Variants in CDH19 observed in about 807,000 individuals in gnomAD.
CDH19 encodes the protein cadherin-19.
CDH19 carries 67 observed loss-of-function variants against 64.2 expected under a neutral mutation model. The ratio of observed to expected loss-of-function variants is 1.04; its 90% CI spans 0.86 to 1.28. The LOEUF (loss-of-function observed/expected upper bound fraction) is 1.28, where lower values mean the gene tolerates loss of function less well. Among genes scored for constraint, CDH19 ranks in the 50% most tolerant of loss-of-function variants. CDH19 has a pLI of 0.00. For synonymous variants in CDH19, 346 were observed against 319.3 expected (o/e 1.08, Z -0.89); for missense variants, 1,030 against 929.0 (o/e 1.11, Z -1.41).
intron 9 of CDH19, among the ~76,000 whole-genome samples, chr18:66,521,783 G>C (rs999607846): frequency 2.0e-5 from 3 of 151,826 alleles, no homozygotes; most frequent in African/African-American, 4.8e-5. Flanking sequence ...TCCTGGACTT[G>C]AGTGCTGCTC....
chr18:66,512,404 T>C (rs988666195), intron 9 of CDH19, among the ~76,000 whole-genome samples: 3 of 151,520 alleles, frequency 2.0e-5, no homozygotes, highest in African/African-American at 7.2e-5. Context: ...CATAGTGAGA[T>C]TGTGATTAAT....
intron 5 of CDH19, among the ~76,000 whole-genome samples, chr18:66,546,027 G>T (rs1011405724): frequency 6.6e-6 from 1 of 151,392 alleles, no homozygotes. Context: ...ATTTGCAATT[G>T]CATTTTCATC....
chr18:66,534,269 C>A (rs1568183277), intron 8 of CDH19, among the ~76,000 whole-genome samples: 1 of 151,934 alleles, frequency 6.6e-6, no homozygotes, highest in Non-Finnish European at 1.5e-5. Context: ...ACCTTGAAAA[C>A]CCAGATTCAA....
intron 8 of CDH19, chr18:66,532,345 T>G (rs1986481152): frequency 6.5e-6 from 1 of 153,988 alleles, no homozygotes; most frequent in East Asian, 1.9e-4. Context: ...ATTCTTTAGT[T>G]TGTTTTAGTG....
intron 1 of CDH19, chr18:66,596,073 T>C (rs1988879667): frequency 6.6e-6 from 1 of 152,150 alleles, no homozygotes; most frequent in African/African-American, 2.4e-5. Context: ...CACATGATCA[T>C]GTCCATACAC....
intron 3 of CDH19, among the ~76,000 whole-genome samples, chr18:66,557,159 A>T (rs187678600): frequency 6.6e-6 from 1 of 152,060 alleles, no homozygotes; most frequent in Admixed American, 6.6e-5. Context: ...ACATGGAAAC[A>T]ACTCTCATTT....
intron 9 of CDH19, among the ~76,000 whole-genome samples, chr18:66,529,507 G>T (rs1455918522): frequency 2.0e-5 from 3 of 150,452 alleles, no homozygotes; most frequent in Non-Finnish European, 4.4e-5. Context: ...CTTGAAATTT[G>T]CATGCTTTTA....
chr18:66,589,184 T>C (rs1328720081), intron 1 of CDH19, among the ~76,000 whole-genome samples: 2 of 151,250 alleles, frequency 1.3e-5, no homozygotes, highest in Non-Finnish European at 3.0e-5. Flanking sequence ...ATTATGTTAG[T>C]TAACCATGTT....
At chr18:66,537,914 T>A (rs1324603573) in intron 7 of CDH19, among the ~76,000 whole-genome samples, 2 of 152,114 alleles carry the variant, frequency 1.3e-5, no homozygotes, top group Non-Finnish European at 2.9e-5. Context: ...TCTGTCTGTA[T>A]ATATATTAAG....
chr18:66,542,963 C>A (rs761009473), intron 7 of CDH19, among the ~76,000 whole-genome samples: 9 of 152,134 alleles, frequency 5.9e-5, no homozygotes, highest in Non-Finnish European at 1.2e-4. Context: ...GGTTGAGGAC[C>A]ACTGCTATAA....
intron 8 of CDH19, among the ~76,000 whole-genome samples, chr18:66,533,079 C>A (rs567377986): frequency 1.3e-5 from 2 of 151,920 alleles, no homozygotes; most frequent in Non-Finnish European, 2.9e-5. Context: ...TCTCTCTGTT[C>A]TACCTTTGAG....
intron 2 of CDH19, among the ~76,000 whole-genome samples, chr18:66,569,880 A>G (rs1262822021): frequency 6.6e-6 from 1 of 151,666 alleles, no homozygotes; most frequent in East Asian, 1.9e-4. Flanking sequence ...TGATGGCTTA[A>G]GTTATAATTT....
chr18:66,520,908 G>C (rs1026410523), intron 9 of CDH19, among the ~76,000 whole-genome samples: 2 of 151,756 alleles, frequency 1.3e-5, no homozygotes, highest in African/African-American at 4.8e-5. Flanking sequence ...ATATTAATCT[G>C]GTTGTTTTAT....
At chr18:66,512,758 G>A (rs1398769278) in intron 9 of CDH19, among the ~76,000 whole-genome samples, 1 of 151,394 alleles carries the variant, frequency 6.6e-6, no homozygotes, top group Admixed American at 6.6e-5. Flanking sequence ...TTAAGGTAAA[G>A]CCTTCATTTT....
In CDH19 at chr18:66,501,373, TG is replaced by T. The variant is rs1330432257; in HGVS notation, c.*3438del. The T allele has an allele frequency of 6.6e-6, 1 of 152,204 alleles. No homozygotes were observed. The highest frequency in any genetic ancestry group is 2.4e-5 in the African/African-American group (1 of 41,452). The allele number at this position is 152,204 out of a possible 1,614,324, so 9.4% of individuals were successfully genotyped here. ...CAAAGCAAGACAAAGCCAGGGTCAC[TG>T]GAAGCAGCAGTGGTCTTTCTGAGGA... On this transcript the variant is annotated 3_prime_UTR_variant, in exon 12 of 12. Coordinates refer to ENST00000262150, the MANE Select transcript of CDH19 (RefSeq NM_021153.4).
At chr18:66,580,715 A>G (rs1465493692) in intron 1 of CDH19, among the ~76,000 whole-genome samples, 1 of 152,146 alleles carries the variant, frequency 6.6e-6, no homozygotes, top group East Asian at 1.9e-4. Flanking sequence ...AAAGTTAAAA[A>G]TCATCATTTA....
chr18:66,580,838 A>G (rs111908972), intron 1 of CDH19, among the ~76,000 whole-genome samples: 90 of 152,190 alleles, frequency 5.9e-4, no homozygotes, highest in African/African-American at 2.1e-3. Context: ...CTTTGTTTAT[A>G]CTCCTCTATA....
chr18:66,566,813 T>G (rs1182981376), intron 3 of CDH19, among the ~76,000 whole-genome samples: 1 of 151,916 alleles, frequency 6.6e-6, no homozygotes, highest in African/African-American at 2.4e-5. Context: ...AACAGTCAAG[T>G]CAGCCTGGAT....
At chr18:66,506,403 A>G (rs1216251725) in intron 11 of CDH19, among the ~76,000 whole-genome samples, 1 of 152,010 alleles carries the variant, frequency 6.6e-6, no homozygotes, top group African/African-American at 2.4e-5. Flanking sequence ...ATATACAGGT[A>G]TTGAAACAAC....
Sources: gnomAD v4.1 joint callset for allele counts (sites outside exome capture counted in the v4.1 genomes callset) on GRCh38, gnomAD v4.1.1 for gene constraint, MANE v1.5 for transcripts, NCBI Gene and HGNC (gene_info 2026-07-23, HGNC 2026-07-21) for gene names.